Variants in CCDC81 observed in about 807,000 individuals in gnomAD.
The protein encoded by CCDC81 is coiled-coil domain-containing protein 81.
A neutral mutation model predicts 83.7 loss-of-function variants in CCDC81; 79 were observed. That is an observed-to-expected ratio of 0.94 (90% CI 0.79 to 1.14). The LOEUF is 1.14. CCDC81 is among the 50% of genes most tolerant of loss of function. The pLI is 0.00. For synonymous variants in CCDC81, 252 were observed against 278.1 expected (o/e 0.91, Z 0.93); for missense variants, 791 against 778.1 (o/e 1.02, Z -0.20).
intron 1 of CCDC81, among the ~76,000 whole-genome samples, chr11:86,379,661 C>T (rs894133040): frequency 2.0e-5 from 3 of 152,156 alleles, no homozygotes; most frequent in Non-Finnish European, 2.9e-5. Flanking sequence ...AGACAAACTG[C>T]TATCTGTTAG....
intron 8 of CCDC81, 60 bp from the exon 9 acceptor site, chr11:86,408,067 A>C: frequency 4.5e-6 from 7 of 1,552,900 alleles, no homozygotes; most frequent in Non-Finnish European, 6.2e-6. Flanking sequence ...TTGTGAAGGG[A>C]ATGCGAAAGC....
intron 3 of CCDC81, among the ~76,000 whole-genome samples, chr11:86,391,897 AG>A (rs1252832254): frequency 6.6e-6 from 1 of 152,222 alleles, no homozygotes; most frequent in Non-Finnish European, 1.5e-5. Flanking sequence ...TCATGGCAGA[AG>A]GTGCAGGGGA....
chr11:86,411,879 G>C (rs920927030), intron 10 of CCDC81, among the ~76,000 whole-genome samples: 1 of 152,030 alleles, frequency 6.6e-6, no homozygotes, highest in Non-Finnish European at 1.5e-5. Context: ...GAACCACTAG[G>C]CCTTCCAAAA....
Position 86,375,241 on chromosome 11 carries a change from G to A in CCDC81, c.78G>A (p.Glu26=). The A allele has an allele frequency of 2.5e-6, 4 of 1,609,148 alleles. No homozygotes were observed. Among genetic ancestry groups the A allele is most frequent in the Middle Eastern group, 1.7e-4 (1 of 6,054 alleles). Residue 26 remains glutamate, a splice_region_variant and synonymous_variant, in exon 1 of 15, where the codon GAG becomes GAA. Coordinates refer to ENST00000445632, the MANE Select transcript of CCDC81 (RefSeq NM_001156474.2). The part of the protein sequence containing the change: ...VLPTLPSLSQ[E]EVSIIWGNVS... ...CCACTCTGCCCTCGCTGAGCCAGGAGGGTAAGCGTGTTGGGTAGCAGGGGG... is the reference window on the plus strand; with the variant it reads ...CCACTCTGCCCTCGCTGAGCCAGGAAGGTAAGCGTGTTGGGTAGCAGGGGG...
chr11:86,376,957 A>T (rs1027447085), intron 1 of CCDC81, among the ~76,000 whole-genome samples: 3 of 152,116 alleles, frequency 2.0e-5, no homozygotes, highest in Non-Finnish European at 4.4e-5. Context: ...CCTACCCCTA[A>T]TCCCAAAATC....
chr11:86,397,373 G>A (rs1948422934), intron 5 of CCDC81, among the ~76,000 whole-genome samples: 1 of 152,124 alleles, frequency 6.6e-6, no homozygotes, highest in Admixed American at 6.5e-5. Flanking sequence ...GGACTTTAAG[G>A]CAATTTCTCT....
At chr11:86,378,524 C>G (rs1029280689) in intron 1 of CCDC81, among the ~76,000 whole-genome samples, 4 of 152,154 alleles carry the variant, frequency 2.6e-5, no homozygotes, top group Admixed American at 2.6e-4. Flanking sequence ...TATGCCTTTA[C>G]TAATTTTCTG....
chr11:86,396,197 A>G (rs556721326), intron 5 of CCDC81, among the ~76,000 whole-genome samples: 2 of 152,332 alleles, frequency 1.3e-5, no homozygotes, highest in East Asian at 1.9e-4. Flanking sequence ...TGGTGGTTGC[A>G]TATTACTGTA....
At chr11:86,377,172 GT>G (rs58735003) in intron 1 of CCDC81, among the ~76,000 whole-genome samples, 26,190 of 146,680 alleles carry the variant, frequency 0.18, 2,358 homozygotes, top group Admixed American at 0.22. Context: ...TGTACCACAG[GT>G]TTTTTTTTTT....
chr11:86,407,684 C>A lies in CCDC81; in HGVS notation c.952C>A (p.His318Asn), dbSNP rs756363815. The A allele has an allele frequency of 6.2e-7, 1 of 1,613,026 alleles. No individual in the cohort carries two copies. Among genetic ancestry groups the A allele is most frequent in the Non-Finnish European group, 8.5e-7 (1 of 1,179,224 alleles). The change falls in exon 8 of 15, where the codon CAT becomes AAT. Residue 318 changes from histidine (H) to asparagine (N), a missense_variant. Coordinates refer to ENST00000445632, the MANE Select transcript of CCDC81 (RefSeq NM_001156474.2). ...CCAAACATCTCCAGCTTGCCAGGATCATAACAAGGCAGGACAGGTACAGTG... is the reference window on the plus strand; with the variant it reads ...CCAAACATCTCCAGCTTGCCAGGATAATAACAAGGCAGGACAGGTACAGTG... ...KPQTSPACQDHNKAGQEMCYV... is the reference protein window; with the variant it reads ...KPQTSPACQDNNKAGQEMCYV...
intron 6 of CCDC81, among the ~76,000 whole-genome samples, chr11:86,398,817 C>A (rs916275212): frequency 1.6e-4 from 24 of 152,152 alleles, no homozygotes; most frequent in African/African-American, 5.8e-4. Flanking sequence ...AGGTGATCCG[C>A]CTGCCTTGGC....
At chr11:86,393,436 C>T (rs1237483613) in intron 4 of CCDC81, among the ~76,000 whole-genome samples, 1 of 152,164 alleles carries the variant, frequency 6.6e-6, no homozygotes, top group African/African-American at 2.4e-5. Flanking sequence ...GCATTATTAT[C>T]ATCCTAATTT....
rs1490841304 is a variant in CCDC81, at chr11:86,380,057, T to A, written c.79+4815T>A. Among the ~76,000 whole-genome samples, 21 of 142,564 alleles carry A rather than the reference T, an allele frequency of 1.5e-4. No individual in the cohort carries two copies. In the East Asian group the frequency reaches 1.9e-3, roughly 13 times the overall value. The allele number at this position is 142,564 out of a possible 152,430, so 93.5% of individuals were successfully genotyped here. A position where few individuals can be genotyped will look rare whatever the true frequency, so the allele number is the denominator to read the frequency against. ...ATGGTCTTCCCTTTTTTTTTTTTTTTAAATGCAGATCCAAGTTTCTGACCT... is the reference window on the plus strand; with the variant it reads ...ATGGTCTTCCCTTTTTTTTTTTTTTAAAATGCAGATCCAAGTTTCTGACCT... On this transcript the variant is annotated intron_variant, in intron 1 of 14. Coordinates refer to ENST00000445632, the MANE Select transcript of CCDC81 (RefSeq NM_001156474.2).
chr11:86,422,833 G>A lies in CCDC81; in HGVS notation c.*118G>A, dbSNP rs1948813988. On this transcript the variant is annotated 3_prime_UTR_variant, in exon 15 of 15. Coordinates refer to ENST00000445632, the MANE Select transcript of CCDC81 (RefSeq NM_001156474.2). ...AAAAAAATCATTGTTTAGGTTTGGT[G>A]CTTTCATTAGATTGCTTGTTAAGCC... 2 of 1,014,552 alleles carry A rather than the reference G, an allele frequency of 2.0e-6. No individual in the cohort carries two copies. The allele number at this position is 1,014,552 out of a possible 1,614,324, so 62.8% of individuals were successfully genotyped here.
chr11:86,397,170 A>G (rs56371957), intron 5 of CCDC81, among the ~76,000 whole-genome samples: 22,125 of 151,902 alleles, frequency 0.15, 1,798 homozygotes, highest in East Asian at 0.25. Context: ...TTGCCTGGGG[A>G]GAGAATGATG....
At chr11:86,397,512 G>A in intron 5 of CCDC81, 109 bp from the exon 6 acceptor site, 1 of 1,337,798 alleles carries the variant, frequency 7.5e-7, no homozygotes, top group Non-Finnish European at 1.0e-6. Context: ...AAGAAAGTGG[G>A]CTTATTTCAG....
At chr11:86,383,032 A>C (rs575138926) in intron 1 of CCDC81, among the ~76,000 whole-genome samples, 44 of 152,340 alleles carry the variant, frequency 2.9e-4, no homozygotes, top group Middle Eastern at 6.8e-3. Context: ...TAAACTTCAA[A>C]CTGAGCAAAA....
At position 86,414,777 on chromosome 11, in the gene CCDC81, C is replaced by G. The variant is rs1207708882; in HGVS notation, c.1392-12C>G. On this transcript the variant is annotated splice_polypyrimidine_tract_variant and intron_variant, in intron 11 of 14. Transcript: ENST00000445632. ...AAACTGTGGTCCATCTTCTCTTGTTCTTAACTGCCAGACTTGCTGCGCAAA... is the reference window on the plus strand; with the variant it reads ...AAACTGTGGTCCATCTTCTCTTGTTGTTAACTGCCAGACTTGCTGCGCAAA... The G allele has an allele frequency of 2.5e-6, 4 of 1,597,224 alleles. No individual in the cohort carries two copies. The highest frequency in any genetic ancestry group is 3.4e-6 in the Non-Finnish European group (4 of 1,173,688).
chr11:86,400,145 A>G (rs1023567806), intron 6 of CCDC81, among the ~76,000 whole-genome samples: 10 of 151,412 alleles, frequency 6.6e-5, no homozygotes, highest in African/African-American at 1.9e-4. Context: ...AAAAAAAAAA[A>G]AAAGAAAAAG....
Sources: allele counts gnomAD v4.1 joint callset (sites outside exome capture counted in the v4.1 genomes callset), GRCh38; gene constraint gnomAD v4.1.1; transcripts MANE v1.5; gene names NCBI Gene and HGNC (gene_info 2026-07-23, HGNC 2026-07-21).